Variants in FHAD1 observed in about 807,000 individuals in gnomAD.
The protein encoded by FHAD1 is forkhead associated phosphopeptide binding domain 1, also known as forkhead-associated domain-containing protein 1.
In FHAD1, 146 loss-of-function variants were observed where a neutral mutation model predicts 191.3. The observed-to-expected ratio is 0.76, with a 90% confidence interval of 0.67 to 0.88. The LOEUF is 0.88. Ranked by LOEUF, FHAD1 falls within the 40% of genes least tolerant of loss-of-function variation. The probability of loss-of-function intolerance (pLI) is 0.00; values close to 1 mark genes in which losing one functional copy is unlikely to be tolerated. For missense variants in FHAD1, 1,635 were observed against 1,785.8 expected (o/e 0.92, Z 1.52); for synonymous variants, 616 against 672.3 (o/e 0.92, Z 1.29).
At chr1:15,278,103 C>T (rs1275881261) in intron 3 of FHAD1, among the ~76,000 whole-genome samples, 1 of 152,134 alleles carries the variant, frequency 6.6e-6, no homozygotes, top group Non-Finnish European at 1.5e-5. Context: ...ATCCCATGGG[C>T]CAAATTCAGA....
intron 28 of FHAD1, among the ~76,000 whole-genome samples, chr1:15,379,825 C>T (rs1257043773): frequency 6.6e-6 from 1 of 152,184 alleles, no homozygotes; most frequent in Non-Finnish European, 1.5e-5. Context: ...TTTGACACAG[C>T]ACATGTTTCA....
intron 31 of FHAD1, chr1:15,383,014 ACG>A (rs1050063106): frequency 6.6e-6 from 3 of 451,864 alleles, no homozygotes; most frequent in Admixed American, 4.8e-5. Flanking sequence ...ACACACACAC[ACG>A]CGCACGCGCA....
chr1:15,350,848 G>A (rs1690609458), intron 19 of FHAD1, among the ~76,000 whole-genome samples: 1 of 152,092 alleles, frequency 6.6e-6, no homozygotes, highest in Non-Finnish European at 1.5e-5. Context: ...CTTGGCAGTG[G>A]GACAATAACA....
chr1:15,275,814 A>AG (rs1557979389), intron 3 of FHAD1, among the ~76,000 whole-genome samples: 4 of 152,196 alleles, frequency 2.6e-5, no homozygotes, highest in East Asian at 3.9e-4. Context: ...GTCCCTAGAG[A>AG]GGGGGCTGTG....
intron 14 of FHAD1, among the ~76,000 whole-genome samples, chr1:15,333,333 G>T (rs1391526346): frequency 6.6e-6 from 1 of 152,138 alleles, no homozygotes; most frequent in Non-Finnish European, 1.5e-5. Flanking sequence ...GAGGAGGAAG[G>T]ATGGGGAGGA....
chr1:15,360,745 C>T (rs781448209), intron 22 of FHAD1, 42 bp downstream of exon 22: 54 of 1,512,742 alleles, frequency 3.6e-5, no homozygotes, highest in Admixed American at 9.9e-5. Context: ...GTGTTCGGGG[C>T]AGGTTCTGAT....
intron 23 of FHAD1, among the ~76,000 whole-genome samples, chr1:15,363,001 G>C (rs1293425380): frequency 1.3e-5 from 2 of 152,208 alleles, no homozygotes; most frequent in Non-Finnish European, 2.9e-5. Flanking sequence ...GAAAGATTTA[G>C]GTAGACCTAC....
chr1:15,277,934 G>A (rs374028020), intron 3 of FHAD1, among the ~76,000 whole-genome samples: 3 of 152,068 alleles, frequency 2.0e-5, no homozygotes, highest in East Asian at 1.9e-4. Flanking sequence ...TTTAGTTCTC[G>A]CAAAGTAAGA....
intron 2 of FHAD1, among the ~76,000 whole-genome samples, chr1:15,269,390 A>G (rs759470708): frequency 1.3e-5 from 2 of 152,090 alleles, no homozygotes; most frequent in Non-Finnish European, 2.9e-5. Context: ...ATAATTTTTA[A>G]TTTCTCCTGA....
At position 15,331,437 on chromosome 1, in the gene FHAD1, C is replaced by T. The variant is rs150341933; in HGVS notation, c.1906+1896C>T. On this transcript the variant is annotated intron_variant, in intron 14 of 33. Transcript: ENST00000688493. ...GTGGGTGGATGGATGGATGGACGGA[C>T]GGGTGGAAGAAAGAATGGATGGAAG... 8.3e-3 allele frequency among the ~76,000 whole-genome samples: 927 copies of T among 111,380 alleles called. 13 individuals carry two copies. Among genetic ancestry groups the T allele is most frequent in the African/African-American group, 0.03 (877 of 29,060 alleles). 73.1% of individuals were successfully genotyped at this position (111,380 alleles called of 152,430 possible).
intron 26 of FHAD1, among the ~76,000 whole-genome samples, chr1:15,372,333 C>T (rs930666490): frequency 6.6e-6 from 1 of 152,166 alleles, no homozygotes; most frequent in African/African-American, 2.4e-5. Flanking sequence ...GTGTGGCTAG[C>T]ACAGGGCCGG....
At position 15,348,948 on chromosome 1, in the gene FHAD1, T is replaced by C; in HGVS notation, c.2347-94T>C. Reference sequence around the variant, plus strand: ...AGCCGCCCCAACACTTTGGCTGTTATTGTTACTATTATTATTATTATTATC... The same window carrying C: ...AGCCGCCCCAACACTTTGGCTGTTACTGTTACTATTATTATTATTATTATC... On this transcript the variant is annotated intron_variant, in intron 18 of 33. Coordinates refer to ENST00000688493, the MANE Select transcript of FHAD1 (RefSeq NM_001391957.1). 5.9e-6 allele frequency: 5 copies of C among 854,158 alleles called. 1 individual carries two copies. The highest frequency in any genetic ancestry group is 3.7e-6 in the Non-Finnish European group (2 of 543,678). The allele number at this position is 854,158 out of a possible 1,614,324, so 52.9% of individuals were successfully genotyped here. A position where few individuals can be genotyped will look rare whatever the true frequency, so the allele number is the denominator to read the frequency against.
intron 24 of FHAD1, 27 bp downstream of exon 24, chr1:15,365,960 ACCT>A: frequency 7.0e-7 from 1 of 1,430,324 alleles, no homozygotes; most frequent in Non-Finnish European, 9.6e-7. Context: ...GTGTCTCTTG[ACCT>A]CCTGACCCAC....
chr1:15,376,842 C>T (rs1371442530), intron 28 of FHAD1, among the ~76,000 whole-genome samples: 1 of 152,116 alleles, frequency 6.6e-6, no homozygotes. Context: ...TTGAGACCAG[C>T]CTGGGAAACA....
chr1:15,349,742 A>C (rs1558189961), intron 19 of FHAD1, among the ~76,000 whole-genome samples: 1 of 152,226 alleles, frequency 6.6e-6, no homozygotes, highest in African/African-American at 2.4e-5. Context: ...CCCAGGGATC[A>C]GTGCCTTCTG....
intron 6 of FHAD1, among the ~76,000 whole-genome samples, chr1:15,305,100 A>T (rs1670042556): frequency 6.6e-6 from 1 of 152,208 alleles, no homozygotes; most frequent in Middle Eastern, 3.2e-3. Context: ...TGCACACAAA[A>T]ATACTATCAG....
At chr1:15,304,313 G>C (rs1669755458) in intron 6 of FHAD1, among the ~76,000 whole-genome samples, 1 of 152,308 alleles carries the variant, frequency 6.6e-6, no homozygotes, top group African/African-American at 2.4e-5. Flanking sequence ...CAGTGTAATA[G>C]GCACTAACAC....
At chr1:15,360,803 T>A (rs1248224308) in intron 22 of FHAD1, 100 bp downstream of exon 22, 1 of 980,470 alleles carries the variant, frequency 1.0e-6, no homozygotes, top group Non-Finnish European at 1.5e-6. Context: ...AGGCCGTGCC[T>A]CATTCGAAAG....
intron 33 of FHAD1, among the ~76,000 whole-genome samples, chr1:15,396,128 G>A (rs189881423): frequency 2.4e-4 from 37 of 152,046 alleles, no homozygotes; most frequent in African/African-American, 8.7e-4. Flanking sequence ...TGGGCAACAT[G>A]GCAAAACCTC....
Sources: gnomAD v4.1 joint callset for allele counts (sites outside exome capture counted in the v4.1 genomes callset) on GRCh38, gnomAD v4.1.1 for gene constraint, MANE v1.5 for transcripts, NCBI Gene and HGNC (gene_info 2026-07-23, HGNC 2026-07-21) for gene names.